DMD: variants seen among roughly 807,000 people sequenced by gnomAD.
DMD encodes the protein dystrophin.
A neutral mutation model predicts 330.1 loss-of-function variants in DMD; 63 were observed. That is an observed-to-expected ratio of 0.19 (90% CI 0.16 to 0.24). DMD has a LOEUF of 0.24. DMD is among the 10% of genes least tolerant of loss of function. DMD has a pLI of 1.00. For synonymous variants in DMD, 1,223 were observed against 959.8 expected, an observed-to-expected ratio of 1.27 and a Z score of -5.07; for missense variants, 3,344 against 2,684.1, an observed-to-expected ratio of 1.25 and a Z score of -5.43.
At chrX:32,496,672 G>A (rs1187886474) in intron 19 of DMD, among the ~76,000 whole-genome samples, 2 of 112,712 alleles carry the variant, frequency 1.8e-5, no homozygotes, top group South Asian at 3.6e-4. Flanking sequence ...ACATGTCTGC[G>A]CATGCGAGTT....
chrX:31,764,081 C>A (rs1373447591), intron 51 of DMD, among the ~76,000 whole-genome samples: 1 of 111,048 alleles, frequency 9.0e-6, no homozygotes, highest in Non-Finnish European at 1.9e-5. Context: ...AAGTCTCACT[C>A]TGTTGCCCAG....
intron 44 of DMD, among the ~76,000 whole-genome samples, chrX:32,116,467 C>T (rs2096611341): frequency 8.9e-6 from 1 of 111,792 alleles, no homozygotes; most frequent in African/African-American, 3.3e-5. Context: ...TTCTTGTATC[C>T]CAAGTACCTG....
chrX:32,428,490 G>T (rs756029472), intron 29 of DMD, among the ~76,000 whole-genome samples: 1 of 111,735 alleles, frequency 8.9e-6, no homozygotes, highest in Non-Finnish European at 1.9e-5. Flanking sequence ...ACTTTTGTCT[G>T]GTGTCTTGAA....
At chrX:31,973,416 T>G (rs1428046548) in intron 44 of DMD, among the ~76,000 whole-genome samples, 7 of 108,022 alleles carry the variant, frequency 6.5e-5, no homozygotes, top group Non-Finnish European at 1.2e-4. Flanking sequence ...TTATAGGAGG[T>G]AAGAATCAAG....
chrX:32,871,753 G>GA (rs1267186669), intron 2 of DMD, among the ~76,000 whole-genome samples: 3 of 111,316 alleles, frequency 2.7e-5, no homozygotes, highest in Non-Finnish European at 5.7e-5. Flanking sequence ...ATGAGCTTCT[G>GA]ACAAAGTACT....
intron 2 of DMD, among the ~76,000 whole-genome samples, chrX:32,859,895 A>G (rs1043547728): frequency 9.0e-6 from 1 of 111,338 alleles, no homozygotes; most frequent in Admixed American, 9.6e-5. Context: ...CAAAACATGA[A>G]TTCCTCCTTG....
intron 9 of DMD, among the ~76,000 whole-genome samples, chrX:32,650,669 A>C (rs1021486363): frequency 8.9e-6 from 1 of 112,269 alleles, no homozygotes; most frequent in African/African-American, 3.2e-5. Context: ...AACACTGTAC[A>C]TGACATTCAA....
chrX:32,649,480 C>T (rs1023829677), intron 9 of DMD, among the ~76,000 whole-genome samples: 7 of 103,811 alleles, frequency 6.7e-5, no homozygotes, highest in South Asian at 4.5e-4. Context: ...GGCGTGAACC[C>T]GGGAGGCGGA....
chrX:32,782,232 T>A (rs2074841288), intron 7 of DMD, among the ~76,000 whole-genome samples: 1 of 111,914 alleles, frequency 8.9e-6, no homozygotes, highest in African/African-American at 3.3e-5. Context: ...TAAAAATCAC[T>A]AGAATATCAA....
chrX:32,143,659 T>C (rs1202453217), intron 44 of DMD, among the ~76,000 whole-genome samples: 1 of 108,819 alleles, frequency 9.2e-6, no homozygotes, highest in Non-Finnish European at 1.9e-5. Context: ...TCTCCTGCCT[T>C]AACCTCCCGA....
At chrX:33,006,805 A>G (rs1037448461) in intron 2 of DMD, among the ~76,000 whole-genome samples, 1 of 111,191 alleles carries the variant, frequency 9.0e-6, no homozygotes, top group Non-Finnish European at 1.9e-5. Flanking sequence ...ATTTTCAATG[A>G]TTTTCCATGG....
intron 50 of DMD, among the ~76,000 whole-genome samples, chrX:31,809,763 A>G (rs777605081): frequency 2.7e-5 from 3 of 110,974 alleles, no homozygotes; most frequent in Non-Finnish European, 3.8e-5. Flanking sequence ...ATTTGCATCA[A>G]TGCCATAGAA....
At chrX:32,088,677 A>AGTGTGTGT (rs34596391) in intron 44 of DMD, among the ~76,000 whole-genome samples, 2,907 of 97,340 alleles carry the variant, frequency 0.03, 104 homozygotes, top group African/African-American at 0.086. Flanking sequence ...ATAGCTCTGA[A>AGTGTGTGT]GTGTGTGTGT....
intron 52 of DMD, among the ~76,000 whole-genome samples, chrX:31,693,069 T>C (rs756402266): frequency 8.9e-6 from 1 of 111,991 alleles, no homozygotes; most frequent in South Asian, 3.7e-4. Flanking sequence ...TTAGAAGGAT[T>C]ATTCACCATG....
At position 32,464,668 on chromosome X, in the gene DMD, G is replaced by A; in HGVS notation, c.3194C>T (p.Ala1065Val). 4.1e-6 allele frequency: 5 copies of A among 1,208,210 alleles called. No individual in the cohort carries two copies. Among genetic ancestry groups the A allele is most frequent in the Non-Finnish European group, 5.6e-6 (5 of 892,525 alleles). ...NHIQTLKKWM[A>V]EVDVFLKEEW... ...CTCCTTCAGAAAAACATCAACTTCA[G>A]CCATCCATTTCTTCAGGGTTTGTAT... Residue 1065 changes from alanine to valine, a missense_variant, in exon 24 of 79, where the codon GCT (alanine) becomes GTT (valine). Physicochemically the swap from Ala to Val is moderately conservative, Grantham distance 64 (BLOSUM62 0). Coordinates refer to ENST00000357033, the MANE Select transcript of DMD (RefSeq NM_004006.3).
chrX:31,676,601 C>G (rs1192986404), intron 53 of DMD, among the ~76,000 whole-genome samples: 2 of 111,122 alleles, frequency 1.8e-5, no homozygotes, highest in African/African-American at 6.5e-5. Flanking sequence ...TTGTTTTAGC[C>G]ACGTAGACAA....
intron 1 of DMD, among the ~76,000 whole-genome samples, chrX:33,031,690 G>C (rs1270673977): frequency 9.0e-6 from 1 of 110,875 alleles, no homozygotes; most frequent in Non-Finnish European, 1.9e-5. Flanking sequence ...AGAATCACTT[G>C]AACCTGGGAG....
chrX:31,167,867 A>C (rs1464595545), intron 74 of DMD, among the ~76,000 whole-genome samples: 1 of 112,072 alleles, frequency 8.9e-6, no homozygotes, highest in Non-Finnish European at 1.9e-5. Flanking sequence ...AAGATGATTA[A>C]GATACAGTCC....
intron 51 of DMD, among the ~76,000 whole-genome samples, chrX:31,738,943 A>G (rs1442811852): frequency 9.0e-6 from 1 of 111,591 alleles, no homozygotes; most frequent in African/African-American, 3.3e-5. Context: ...GGTCGTGGGG[A>G]GGTGGGGGTG....
Sources: allele counts gnomAD v4.1 joint callset (sites outside exome capture counted in the v4.1 genomes callset), GRCh38; gene constraint gnomAD v4.1.1; transcripts MANE v1.5; gene names NCBI Gene and HGNC (gene_info 2026-07-23, HGNC 2026-07-21).